The following EXO1 variants were observed in gnomAD, a reference collection of about 807,000 sequenced individuals.
EXO1 encodes the protein exonuclease 1.
In EXO1, 69 loss-of-function variants were observed where a neutral mutation model predicts 84.5. The ratio of observed to expected loss-of-function variants is 0.82; its 90% CI spans 0.67 to 1.00. EXO1 has a LOEUF of 1.00. EXO1 is among the 50% of genes least tolerant of loss of function. EXO1 has a pLI of 0.00. For synonymous variants in EXO1, 373 were observed against 366.1 expected, an observed-to-expected ratio of 1.02 and a Z score of -0.21; for missense variants, 1,045 against 1,000.7, an observed-to-expected ratio of 1.04 and a Z score of -0.60.
chr1:241,884,447 T>G (rs1036275219), intron 14 of EXO1, among the ~76,000 whole-genome samples: 1 of 152,190 alleles, frequency 6.6e-6, no homozygotes, highest in Non-Finnish European at 1.5e-5. Context: ...AATCAACCCT[T>G]AGTAGAAACA....
In EXO1 at chr1:241,867,554, G is replaced by A. The variant is rs4149951; in HGVS notation, c.1267+499G>A. 5.5e-3 allele frequency among the ~76,000 whole-genome samples: 839 copies of A among 152,156 alleles called. 6 individuals carry two copies. The highest frequency in any genetic ancestry group is 0.019 in the African/African-American group (801 of 41,514). ...TTAGTTTTAGCTCTTACATTTTACA[G>A]TTTTAGCCTGTGAGCCATTTTGAGT... On this transcript the variant is annotated intron_variant, in intron 11 of 15. Coordinates refer to ENST00000366548, the MANE Select transcript of EXO1 (RefSeq NM_130398.4).
At chr1:241,886,311 A>G (rs1663066845) in intron 15 of EXO1, among the ~76,000 whole-genome samples, 1 of 152,218 alleles carries the variant, frequency 6.6e-6, no homozygotes, top group African/African-American at 2.4e-5. Flanking sequence ...CATCTTCTAT[A>G]TAGTTAAATT....
In EXO1 at chr1:241,889,544, G is replaced by A. The variant is rs757677420; in HGVS notation, c.2485G>A (p.Glu829Lys). ...CATCCAACTAACTCCAGAAGCGGAA[G>A]AGGATATATTTAACAAACCTGAATG... Reference protein sequence around the residue: ...DNIQLTPEAEEDIFNKPECGR... With the variant: ...DNIQLTPEAEKDIFNKPECGR... Residue 829 changes from glutamate (E) to lysine (K), a missense_variant, in exon 16 of 16, where the codon GAG (glutamate) becomes AAG (lysine). Glu to Lys is a moderately conservative substitution (Grantham distance 56). Coordinates refer to ENST00000366548, the MANE Select transcript of EXO1 (RefSeq NM_130398.4). 1.2e-6 allele frequency: 2 copies of A among 1,613,870 alleles called. No homozygotes were observed. The highest frequency in any genetic ancestry group is 1.7e-6 in the Non-Finnish European group (2 of 1,179,884).
In EXO1 at chr1:241,879,014, AC is replaced by A. The variant is rs1662574572; in HGVS notation, c.1781del (p.Thr594LysfsTer12). On this transcript the variant is annotated frameshift_variant, in exon 13 of 16. Coordinates refer to ENST00000366548, the MANE Select transcript of EXO1 (RefSeq NM_130398.4). LOFTEE classifies it high-confidence loss of function. ...CTACTCTTTTGAGAGCAGCAAATTT[AC>A]AAGGACCATTTCACCACCCACTTTG... ...ESYSFESSKF[T>X]RTISPPTLGT... The A allele has an allele frequency of 6.2e-7, 1 of 1,614,212 alleles. No homozygotes were observed. The highest frequency in any genetic ancestry group is 2.2e-5 in the East Asian group (1 of 44,880).
At chr1:241,888,336 C>CT (rs200087243) in intron 15 of EXO1, among the ~76,000 whole-genome samples, 184 of 152,054 alleles carry the variant, frequency 1.2e-3, no homozygotes, top group Middle Eastern at 6.8e-3. Flanking sequence ...ATTTTTGAGA[C>CT]TTTTTTTTAA....
At position 241,879,110 on chromosome 1, in the gene EXO1, C is replaced by T. The variant is rs747581349; in HGVS notation, c.1876C>T (p.Pro626Ser). 4 of 1,613,820 alleles carry T rather than the reference C, an allele frequency of 2.5e-6. No homozygotes were observed. In the Admixed American group the frequency reaches 5.0e-5, roughly 20 times the overall value. Residue 626 changes from proline (P) to serine (S), a missense_variant, in exon 13 of 16, where the codon CCA becomes TCA. Physicochemically the swap from Pro to Ser is moderately conservative, Grantham distance 74. Transcript: ENST00000366548. ...TTTTTCAAGAACGCCGAGCCCCTCT[C>T]CAAGCACAGCATTGCAGCAGTTCCG... ...GDFSRTPSPSPSTALQQFRRK... is the reference protein window; with the variant it reads ...GDFSRTPSPSSSTALQQFRRK...
intron 6 of EXO1, among the ~76,000 whole-genome samples, chr1:241,855,851 C>G (rs920886312): frequency 6.6e-6 from 1 of 152,256 alleles, no homozygotes; most frequent in African/African-American, 2.4e-5. Context: ...CTGGGGCCGA[C>G]AGGGCCGGCC....
At position 241,868,096 on chromosome 1, in the gene EXO1, C is replaced by T. The variant is rs138105178; in HGVS notation, c.1267+1041C>T. Among the ~76,000 whole-genome samples, 1,277 of 152,076 alleles carry T rather than the reference C, an allele frequency of 8.4e-3. 18 individuals carry two copies. Among genetic ancestry groups the T allele is most frequent in the African/African-American group, 0.029 (1,218 of 41,480 alleles). On this transcript the variant is annotated intron_variant, in intron 11 of 15. Transcript: ENST00000366548. Reference sequence around the variant, plus strand: ...TCTCCACAAAAAAAATTTTTAAGGCCGGGTGCGGTGGCTCACACCTATAAT... The same window carrying T: ...TCTCCACAAAAAAAATTTTTAAGGCTGGGTGCGGTGGCTCACACCTATAAT...
In EXO1 at chr1:241,879,273, G is replaced by C; in HGVS notation, c.2039G>C (p.Gly680Ala). 2.5e-6 allele frequency: 4 copies of C among 1,602,000 alleles called. No homozygotes were observed. Among genetic ancestry groups the C allele is most frequent in the Non-Finnish European group, 3.4e-6 (4 of 1,176,400 alleles). The stretch of plus-strand genomic sequence containing the variant: ...TGTTCTTCACAGTCCCAGGAAAGTG[G>C]AGAATTCTCACTGCAGAGTTCAAAT... The part of the protein sequence containing the change: ...EACSSQSQES[G>A]EFSLQSSNAS... The change falls in exon 13 of 16, where the codon GGA becomes GCA. Residue 680 changes from glycine (G) to alanine (A), a missense_variant. Coordinates refer to ENST00000366548, the MANE Select transcript of EXO1 (RefSeq NM_130398.4).
chr1:241,884,910 G>A (rs1174476661), intron 14 of EXO1, among the ~76,000 whole-genome samples: 1 of 152,102 alleles, frequency 6.6e-6, no homozygotes, highest in Non-Finnish European at 1.5e-5. Flanking sequence ...TTGTTCTTAT[G>A]TATAAAGAAT....
At chr1:241,850,328 T>G in intron 3 of EXO1, 81 bp from the exon 4 acceptor site, 1 of 1,017,746 alleles carries the variant, frequency 9.8e-7, no homozygotes, top group Admixed American at 1.9e-5. Context: ...ACTCCAAGCT[T>G]TCTCTTCATT....
In EXO1 at chr1:241,875,897, C is replaced by G. The variant is rs115331806; in HGVS notation, c.1515-2852C>G. 8.4e-3 allele frequency among the ~76,000 whole-genome samples: 1,285 copies of G among 152,186 alleles called. 18 individuals are homozygous for G. The highest frequency in any genetic ancestry group is 0.029 in the African/African-American group (1,223 of 41,518). The stretch of plus-strand genomic sequence containing the variant: ...CGTCTCAAAAAAAGAAAAAAATACA[C>G]TGATTAAAAAGTTCTAGAAAGTTGA... On this transcript the variant is annotated intron_variant, in intron 12 of 15. Transcript: ENST00000366548.
Position 241,879,179 on chromosome 1 carries a change from T to C in EXO1, c.1945T>C (p.Ser649Pro), listed in dbSNP as rs770050432. The change falls in exon 13 of 16, where the codon TCT becomes CCT. Residue 649 changes from serine to proline, a missense_variant. By Grantham distance (74) the Ser-to-Pro change is moderately conservative. Transcript: ENST00000366548. ...CACCTCTTTGCCTGAGAATAATATG[T>C]CTGATGTGTCGCAGTTAAAGAGCGA... ...SPTSLPENNM[S>P]DVSQLKSEES... 1.9e-6 allele frequency: 3 copies of C among 1,605,958 alleles called. No homozygotes were observed. The highest frequency in any genetic ancestry group is 2.6e-6 in the Non-Finnish European group (3 of 1,173,398).
At chr1:241,884,649 G>A (rs991980656) in intron 14 of EXO1, among the ~76,000 whole-genome samples, 1 of 128,914 alleles carries the variant, frequency 7.8e-6, no homozygotes, top group Non-Finnish European at 1.6e-5. Context: ...TATGCTGCCT[G>A]TGTGTGTGTG....
intron 3 of EXO1, 69 bp from the exon 4 acceptor site, chr1:241,850,340 G>A: frequency 9.3e-7 from 1 of 1,075,768 alleles, no homozygotes; most frequent in Non-Finnish European, 1.4e-6. Flanking sequence ...CTCTTCATTT[G>A]TCTAAGATGT....
chr1:241,849,396 T>C, intron 3 of EXO1, among the ~76,000 whole-genome samples, 180 bp downstream of exon 3: 1 of 151,420 alleles, frequency 6.6e-6, no homozygotes, highest in African/African-American at 2.5e-5. Flanking sequence ...CCAGAATCTC[T>C]GTATAGAAAG....
chr1:241,881,908 G>T lies in EXO1; in HGVS notation c.2110-8G>T. On this transcript the variant is annotated splice_region_variant and splice_polypyrimidine_tract_variant and intron_variant, in intron 13 of 15. Coordinates refer to ENST00000366548, the MANE Select transcript of EXO1 (RefSeq NM_130398.4). ...ATTTTATTTTATTTTTTGATCTGGG[G>T]ACTCTAGGAATCTGATTGCAATATT... The T allele has an allele frequency of 1.5e-6, 2 of 1,371,736 alleles. No individual in the cohort carries two copies. Among genetic ancestry groups the T allele is most frequent in the African/African-American group, 2.8e-5 (2 of 70,248 alleles). The allele number at this position is 1,371,736 out of a possible 1,614,324, so 85.0% of individuals were successfully genotyped here. A position where few individuals can be genotyped will look rare whatever the true frequency, so the allele number is the denominator to read the frequency against.
chr1:241,857,454 C>T lies in EXO1; in HGVS notation c.515C>T (p.Ser172Leu), dbSNP rs771195080. ...GIVQAIITED[S>L]DLLAFGCKKV... Reference sequence around the variant, plus strand: ...GTGCAAGCCATAATTACAGAGGACTCGGATCTCCTAGCTTTTGGCTGTAAA... The same window carrying T: ...GTGCAAGCCATAATTACAGAGGACTTGGATCTCCTAGCTTTTGGCTGTAAA... Residue 172 changes from serine to leucine, a missense_variant, in exon 7 of 16, where the codon TCG becomes TTG. By Grantham distance (145) the Ser-to-Leu change is moderately radical. Transcript: ENST00000366548. 1 of 1,613,856 alleles carries T rather than the reference C, an allele frequency of 6.2e-7. No individual in the cohort carries two copies.
Position 241,872,641 on chromosome 1 carries a change from G to T in EXO1, c.1514+363G>T, listed in dbSNP as rs111482900. Reference sequence around the variant, plus strand: ...GTTCGTGTATTAGTTTGCTGAGAATGATGGTTTCCAGCCTCATCCATGTCC... The same window carrying T: ...GTTCGTGTATTAGTTTGCTGAGAATTATGGTTTCCAGCCTCATCCATGTCC... On this transcript the variant is annotated intron_variant, in intron 12 of 15. Transcript: ENST00000366548. Among the ~76,000 whole-genome samples, 1,275 of 152,272 alleles carry T rather than the reference G, an allele frequency of 8.4e-3. 11 individuals are homozygous for T. The highest frequency in any genetic ancestry group is 0.076 in the South Asian group (366 of 4,820).
Sources: allele counts gnomAD v4.1 joint callset (sites outside exome capture counted in the v4.1 genomes callset), GRCh38; gene constraint gnomAD v4.1.1; transcripts MANE v1.5; gene names NCBI Gene and HGNC (gene_info 2026-07-23, HGNC 2026-07-21).